Variants in DACH2 observed in about 807,000 individuals in gnomAD.
The protein encoded by DACH2 is dachshund homolog 2.
DACH2 carries 17 observed loss-of-function variants against 35.8 expected under a neutral mutation model. That is an observed-to-expected ratio of 0.48 (90% CI 0.33 to 0.71). The LOEUF (loss-of-function observed/expected upper bound fraction) is 0.71. Ranked by LOEUF, DACH2 falls within the 30% of genes least tolerant of loss-of-function variation. The pLI, the probability that DACH2 is intolerant of heterozygous loss-of-function variation, is 0.02. For missense variants in DACH2, 469 were observed against 472.7 expected, an observed-to-expected ratio of 0.99 and a Z score of 0.07; for synonymous variants, 195 against 177.3, an observed-to-expected ratio of 1.10 and a Z score of -0.79.
chrX:86,758,277 G>A (rs1298315886), intron 7 of DACH2, among the ~76,000 whole-genome samples: 1 of 111,005 alleles, frequency 9.0e-6, no homozygotes, highest in Non-Finnish European at 1.9e-5. Context: ...TTGGGGTTTG[G>A]TTTGTTCTTG....
At chrX:86,664,325 G>A (rs2040642164) in intron 4 of DACH2, among the ~76,000 whole-genome samples, 1 of 111,356 alleles carries the variant, frequency 9.0e-6, no homozygotes, top group Non-Finnish European at 1.9e-5. Flanking sequence ...TATTTCTTTA[G>A]GAAGTTCAAA....
Position 86,415,557 on chromosome X carries a change from C to T in DACH2, c.527+38695C>T, listed in dbSNP as rs372801441. Among the ~76,000 whole-genome samples the T allele has an allele frequency of 1.4e-3, 161 of 111,895 alleles. 2 individuals are homozygous for T. Among genetic ancestry groups the T allele is most frequent in the African/African-American group, 4.9e-3 (150 of 30,866 alleles). ...ATTTTAATTCAGGAGATTATCTTGC[C>T]TTGGTGTAGCTTTTTCTTTAAGTCC... On this transcript the variant is annotated intron_variant, in intron 2 of 11. Transcript: ENST00000373125.
At chrX:86,241,564 G>A (rs750045641) in intron 1 of DACH2, among the ~76,000 whole-genome samples, 1 of 112,263 alleles carries the variant, frequency 8.9e-6, no homozygotes, top group Non-Finnish European at 1.9e-5. Flanking sequence ...ATGATCATGA[G>A]GTAGAAGAGA....
intron 3 of DACH2, among the ~76,000 whole-genome samples, chrX:86,578,711 A>G (rs1416817224): frequency 8.9e-6 from 1 of 111,927 alleles, no homozygotes; most frequent in Admixed American, 9.5e-5. Flanking sequence ...GTGATTATGA[A>G]TGAAGTTGCT....
intron 1 of DACH2, among the ~76,000 whole-genome samples, chrX:86,288,531 G>A (rs971789694): frequency 7.1e-5 from 8 of 112,167 alleles, no homozygotes; most frequent in South Asian, 7.5e-4. Flanking sequence ...GCAGGCCCTA[G>A]AGTCACACAC....
chrX:86,217,626 G>A (rs1041745734), intron 1 of DACH2, among the ~76,000 whole-genome samples: 2 of 111,316 alleles, frequency 1.8e-5, no homozygotes, highest in Non-Finnish European at 3.8e-5. Context: ...GTCAATAATC[G>A]AATCTGGCAG....
chrX:86,810,345 A>G (rs1157467911), intron 7 of DACH2, among the ~76,000 whole-genome samples: 1 of 111,879 alleles, frequency 8.9e-6, no homozygotes, highest in Non-Finnish European at 1.9e-5. Flanking sequence ...GATATGTAAC[A>G]ATGAATTCAT....
Position 86,582,934 on chromosome X carries a change from T to A in DACH2, c.641-68102T>A, listed in dbSNP as rs547662880. Among the ~76,000 whole-genome samples the A allele has an allele frequency of 1.7e-4, 19 of 110,990 alleles. 1 individual carries two copies. In the South Asian group the frequency reaches 4.2e-3, roughly 24 times the overall value. On this transcript the variant is annotated intron_variant, in intron 3 of 11. Transcript: ENST00000373125. ...CAAAAAGGAAAATTTTAGGCCAAAT[T>A]TTTTATGAAAATAGGTGCAAAATTT...
chrX:86,618,053 A>G (rs2040027116), intron 3 of DACH2, among the ~76,000 whole-genome samples: 1 of 111,921 alleles, frequency 8.9e-6, no homozygotes, highest in Non-Finnish European at 1.9e-5. Context: ...AGGTGGGGGC[A>G]TTGCTTGAGA....
chrX:86,205,301 G>T (rs1432298053), intron 1 of DACH2, among the ~76,000 whole-genome samples: 6 of 110,200 alleles, frequency 5.4e-5, no homozygotes, highest in African/African-American at 2.0e-4. Flanking sequence ...GAGTTTTGAA[G>T]ATTTTAAAAG....
At chrX:86,296,058 T>C (rs917812358) in intron 1 of DACH2, among the ~76,000 whole-genome samples, 2 of 111,047 alleles carry the variant, frequency 1.8e-5, no homozygotes, top group Admixed American at 1.9e-4. Flanking sequence ...TTAACTTTTT[T>C]ACCAAAAATT....
intron 7 of DACH2, among the ~76,000 whole-genome samples, chrX:86,761,740 G>A (rs1459586531): frequency 3.6e-5 from 4 of 111,261 alleles, no homozygotes; most frequent in Non-Finnish European, 7.5e-5. Context: ...GTTAGTGGAG[G>A]CTGTGGCGAA....
chrX:86,453,408 G>T (rs1245277017), intron 2 of DACH2, among the ~76,000 whole-genome samples: 1 of 111,694 alleles, frequency 9.0e-6, no homozygotes, highest in Non-Finnish European at 1.9e-5. Context: ...TATTGTCAGT[G>T]AGGTTTTAAC....
At chrX:86,359,929 A>C (rs1267864602) in intron 1 of DACH2, among the ~76,000 whole-genome samples, 1 of 109,621 alleles carries the variant, frequency 9.1e-6, no homozygotes, top group African/African-American at 3.3e-5. Flanking sequence ...GCTGGAGTAC[A>C]GTGGTGCATG....
At chrX:86,627,567 G>T (rs1164937134) in intron 3 of DACH2, among the ~76,000 whole-genome samples, 1 of 111,664 alleles carries the variant, frequency 9.0e-6, no homozygotes, top group African/African-American at 3.3e-5. Flanking sequence ...TCTTGTTTCT[G>T]GAGGTTGAGA....
At chrX:86,312,848 C>T (rs1234384804) in intron 1 of DACH2, among the ~76,000 whole-genome samples, 2 of 111,140 alleles carry the variant, frequency 1.8e-5, no homozygotes, top group African/African-American at 3.3e-5. Flanking sequence ...TTAGTTCTGT[C>T]CCTCTCAGAG....
chrX:86,783,251 A>C (rs2042106287), intron 7 of DACH2, among the ~76,000 whole-genome samples: 1 of 112,035 alleles, frequency 8.9e-6, no homozygotes, highest in African/African-American at 3.2e-5. Context: ...GCTTATATCC[A>C]AAAGATAGGC....
chrX:86,220,474 A>G (rs1471354323), intron 1 of DACH2, among the ~76,000 whole-genome samples: 1 of 111,264 alleles, frequency 9.0e-6, no homozygotes, highest in South Asian at 3.7e-4. Context: ...ATTATGCAGG[A>G]TTTTTCCTAT....
chrX:86,228,615 G>A (rs147545693), intron 1 of DACH2, among the ~76,000 whole-genome samples: 127 of 110,764 alleles, frequency 1.1e-3, no homozygotes, highest in African/African-American at 3.7e-3. Context: ...TCGCATCTAC[G>A]CCAACATCTA....
Sources: allele counts gnomAD v4.1 joint callset (sites outside exome capture counted in the v4.1 genomes callset), GRCh38; gene constraint gnomAD v4.1.1; transcripts MANE v1.5; gene names NCBI Gene and HGNC (gene_info 2026-07-23, HGNC 2026-07-21).